The following IMMP2L variants were observed in gnomAD, a reference collection of about 807,000 sequenced individuals.
IMMP2L encodes the protein mitochondrial inner membrane protease subunit 2.
IMMP2L carries 18 observed loss-of-function variants against 19.3 expected under a neutral mutation model. The ratio of observed to expected loss-of-function variants is 0.93; its 90% CI spans 0.64 to 1.38. IMMP2L has a LOEUF of 1.38. Among genes scored for constraint, IMMP2L ranks in the 40% most tolerant of loss-of-function variants. The probability of loss-of-function intolerance (pLI) is 0.00; values close to 1 mark genes in which losing one functional copy is unlikely to be tolerated. For missense variants in IMMP2L, 233 were observed against 218.2 expected (o/e 1.07, Z -0.43); for synonymous variants, 76 against 73.0 (o/e 1.04, Z -0.21).
chr7:111,193,067 T>A (rs375495810), intron 3 of IMMP2L, among the ~76,000 whole-genome samples: 1 of 151,958 alleles, frequency 6.6e-6, no homozygotes, highest in East Asian at 1.9e-4. Flanking sequence ...AATGGAGATA[T>A]TGAGTAAAAG....
At chr7:111,239,455 C>A (rs1003217480) in intron 3 of IMMP2L, among the ~76,000 whole-genome samples, 2 of 151,824 alleles carry the variant, frequency 1.3e-5, no homozygotes, top group South Asian at 2.1e-4. Context: ...ATAAAATGTG[C>A]ACGAATTATA....
At position 110,924,534 on chromosome 7, in the gene IMMP2L, T is replaced by C. The variant is rs1814645070; in HGVS notation, c.306-37839A>G. On this transcript the variant is annotated intron_variant, in intron 4 of 5. Coordinates refer to ENST00000405709, the MANE Select transcript of IMMP2L (RefSeq NM_032549.4). This position sits in a 1 kb window ranked among gnomAD's most constrained non-coding sequence, Gnocchi z 4.2. ...GAACTGGGCAGGCCGGTTTTAATAT[T>C]AGATATTCTAATAATGTAAATAAAG... Among the ~76,000 whole-genome samples, 1 of 152,112 alleles carries C rather than the reference T, an allele frequency of 6.6e-6. No homozygotes were observed. Among genetic ancestry groups the C allele is most frequent in the African/African-American group, 2.4e-5 (1 of 41,436 alleles).
intron 4 of IMMP2L, among the ~76,000 whole-genome samples, chr7:110,917,808 A>G (rs1345179469): frequency 6.6e-6 from 1 of 152,200 alleles, no homozygotes; most frequent in African/African-American, 2.4e-5. Context: ...TTGCCTGGCA[A>G]AAAGAAGCTG....
chr7:110,975,963 G>T (rs2129557270), intron 3 of IMMP2L, among the ~76,000 whole-genome samples: 1 of 152,134 alleles, frequency 6.6e-6, no homozygotes, highest in Non-Finnish European at 1.5e-5. Context: ...TGAAATAAAT[G>T]TGAAAATGGA....
chr7:111,199,608 A>G (rs1809887355), intron 3 of IMMP2L, among the ~76,000 whole-genome samples: 1 of 152,198 alleles, frequency 6.6e-6, no homozygotes, highest in African/African-American at 2.4e-5. Flanking sequence ...ACAGAATGTT[A>G]GTCTGATATA....
intron 3 of IMMP2L, among the ~76,000 whole-genome samples, chr7:111,005,138 C>G (rs1240113129): frequency 6.6e-6 from 1 of 152,026 alleles, no homozygotes; most frequent in Admixed American, 6.6e-5. Flanking sequence ...TTTTGGAGGC[C>G]ATCACTTCAG....
intron 5 of IMMP2L, among the ~76,000 whole-genome samples, chr7:110,786,290 C>T (rs1032078845): frequency 2.0e-5 from 3 of 151,840 alleles, no homozygotes; most frequent in Admixed American, 6.6e-5. Flanking sequence ...TTTTCAGTTG[C>T]CCTTTGACAC....
chr7:110,868,117 T>TTGTGTGAGTGTGTG (rs141375897), intron 5 of IMMP2L, among the ~76,000 whole-genome samples: 2 of 144,376 alleles, frequency 1.4e-5, no homozygotes, highest in East Asian at 4.3e-4. Flanking sequence ...CTTGTGAGGT[T>TTGTGTGAGTGTGTG]TGTGTGTGTG....
At chr7:111,100,539 T>C (rs1193981750) in intron 3 of IMMP2L, among the ~76,000 whole-genome samples, 1 of 149,706 alleles carries the variant, frequency 6.7e-6, no homozygotes, top group Non-Finnish European at 1.5e-5. Context: ...CTGATTAGTA[T>C]AATATTATTT....
intron 3 of IMMP2L, among the ~76,000 whole-genome samples, chr7:111,353,911 T>C (rs1828434344): frequency 1.3e-5 from 2 of 152,098 alleles, no homozygotes; most frequent in Admixed American, 1.3e-4. Flanking sequence ...TTCTGTGTCT[T>C]CTGAAAACAT....
At chr7:110,975,123 C>T (rs970025314) in intron 3 of IMMP2L, among the ~76,000 whole-genome samples, 1 of 151,960 alleles carries the variant, frequency 6.6e-6, no homozygotes, top group Non-Finnish European at 1.5e-5. Flanking sequence ...CATTATCCTA[C>T]TGTAGAATTC....
chr7:111,161,843 T>C (rs1805296597), intron 3 of IMMP2L, among the ~76,000 whole-genome samples: 1 of 152,064 alleles, frequency 6.6e-6, no homozygotes, highest in African/African-American at 2.4e-5. Context: ...CATTTCATTA[T>C]AAATAATTTT....
chr7:111,205,813 G>A (rs1810641956), intron 3 of IMMP2L, among the ~76,000 whole-genome samples: 1 of 152,140 alleles, frequency 6.6e-6, no homozygotes, highest in Non-Finnish European at 1.5e-5. Flanking sequence ...GGAACAAGCT[G>A]AGGCTGTTGA....
rs147507361 is a variant in IMMP2L at position 111,094,402 on chromosome 7, G to A, written c.240-130837C>T. On this transcript the variant is annotated intron_variant, in intron 3 of 5. Transcript: ENST00000405709. ...TCCTACTTCTAGCCTCAGTAAGGATGCTCCTCTAAAATGATTTAAAATAAT... is the reference window on the plus strand; with the variant it reads ...TCCTACTTCTAGCCTCAGTAAGGATACTCCTCTAAAATGATTTAAAATAAT... Among the ~76,000 whole-genome samples, 58 of 152,194 alleles carry A rather than the reference G, an allele frequency of 3.8e-4. 1 individual carries two copies. Among genetic ancestry groups the A allele is most frequent in the Middle Eastern group, 6.8e-3 (2 of 294 alleles).
At chr7:110,775,153 A>G (rs1361005028) in intron 5 of IMMP2L, among the ~76,000 whole-genome samples, 7 of 152,010 alleles carry the variant, frequency 4.6e-5, no homozygotes, top group African/African-American at 1.7e-4. Context: ...TTACCATCCC[A>G]AGAATTTACT....
intron 1 of IMMP2L, among the ~76,000 whole-genome samples, chr7:111,529,807 A>G (rs1018195626): frequency 3.9e-5 from 6 of 152,310 alleles, no homozygotes; most frequent in Middle Eastern, 3.4e-3. Context: ...GAGAGGTTAA[A>G]ACTGATGTAT....
intron 3 of IMMP2L, among the ~76,000 whole-genome samples, chr7:111,269,102 G>A (rs1038031433): frequency 2.0e-5 from 3 of 152,158 alleles, no homozygotes; most frequent in African/African-American, 7.2e-5. Flanking sequence ...GCCAGTGTCT[G>A]AGATCCATAC....
At chr7:111,545,887 T>C (rs1417453757) in intron 1 of IMMP2L, among the ~76,000 whole-genome samples, 1 of 152,106 alleles carries the variant, frequency 6.6e-6, no homozygotes, top group African/African-American at 2.4e-5. Context: ...GAAGTTCCAA[T>C]CCCCAGAGAC....
At chr7:110,690,694 A>C (rs1162723857) in intron 5 of IMMP2L, among the ~76,000 whole-genome samples, 1 of 152,150 alleles carries the variant, frequency 6.6e-6, no homozygotes, top group East Asian at 1.9e-4. Flanking sequence ...GAAGAACTCA[A>C]TCACTTTTAT....
Sources: allele counts gnomAD v4.1 joint callset (sites outside exome capture counted in the v4.1 genomes callset), GRCh38; gene constraint gnomAD v4.1.1; non-coding constraint Gnocchi (gnomAD v3.1); transcripts MANE v1.5; gene names NCBI Gene and HGNC (gene_info 2026-07-23, HGNC 2026-07-21).